The following RARB variants were observed in gnomAD, a reference collection of about 807,000 sequenced individuals.
The protein encoded by RARB is retinoic acid receptor beta.
A neutral mutation model predicts 51.9 loss-of-function variants in RARB; 17 were observed. The observed-to-expected ratio is 0.33, with a 90% CI of 0.22 to 0.49. The LOEUF (loss-of-function observed/expected upper bound fraction) is 0.49, where lower values mean the gene tolerates loss of function less well. Among genes scored for constraint, RARB ranks in the 20% least tolerant of loss-of-function variants. RARB has a pLI of 0.99. For synonymous variants in RARB, 215 were observed against 195.4 expected (o/e 1.10, Z -0.84); for missense variants, 369 against 550.8 (o/e 0.67, Z 3.30).
chr3:25,135,323 T>G (rs1203068662), intron 4 of RARB, among the ~76,000 whole-genome samples: 1 of 151,990 alleles, frequency 6.6e-6, no homozygotes, highest in Non-Finnish European at 1.5e-5. Context: ...GGCTAGTGAC[T>G]ACCATATCGG....
intron 3 of RARB, among the ~76,000 whole-genome samples, chr3:25,081,252 G>A (rs2125312926): frequency 6.6e-6 from 1 of 151,924 alleles, no homozygotes; most frequent in South Asian, 2.1e-4. Flanking sequence ...GTTTCTAATT[G>A]AATTCAGGTA....
At chr3:24,999,390 G>C (rs1697110333) in intron 2 of RARB, among the ~76,000 whole-genome samples, 1 of 152,070 alleles carries the variant, frequency 6.6e-6, no homozygotes, top group Non-Finnish European at 1.5e-5. Flanking sequence ...CTGAGTTTGG[G>C]GAGGATGCCT....
intron 5 of RARB, among the ~76,000 whole-genome samples, chr3:25,248,061 C>T (rs1427587847): frequency 1.3e-5 from 2 of 152,142 alleles, no homozygotes; most frequent in South Asian, 2.1e-4. Context: ...GCTCTGGTGT[C>T]GGATGAATAT....
chr3:25,092,004 T>A (rs1559463184), intron 3 of RARB, among the ~76,000 whole-genome samples: 1 of 152,120 alleles, frequency 6.6e-6, no homozygotes, highest in Non-Finnish European at 1.5e-5. Flanking sequence ...TGCAGCACAA[T>A]GTTCTTTTAT....
intron 2 of RARB, among the ~76,000 whole-genome samples, chr3:24,984,970 A>G (rs1696755807): frequency 1.3e-5 from 2 of 152,194 alleles, no homozygotes; most frequent in Admixed American, 6.5e-5. Context: ...CCTGAAGCTC[A>G]GTTTTTTCGA....
intron 5 of RARB, among the ~76,000 whole-genome samples, chr3:25,292,354 G>A (rs1030880518): frequency 1.3e-5 from 2 of 152,124 alleles, no homozygotes; most frequent in Admixed American, 6.6e-5. Flanking sequence ...AGAGTCTAAA[G>A]GCAAAGTGGG....
At chr3:24,923,409 A>G (rs1335046545) in intron 2 of RARB, among the ~76,000 whole-genome samples, 1 of 152,204 alleles carries the variant, frequency 6.6e-6, no homozygotes, top group Non-Finnish European at 1.5e-5. Flanking sequence ...GTAATGCGGT[A>G]TAATTAGTGA....
intron 5 of RARB, among the ~76,000 whole-genome samples, chr3:25,195,428 A>G (rs1701210173): frequency 6.6e-6 from 1 of 152,020 alleles, no homozygotes; most frequent in Non-Finnish European, 1.5e-5. Context: ...TGCTAAAGTA[A>G]TATTTCTTAA....
chr3:25,074,633 T>C (rs1025985930), intron 3 of RARB, among the ~76,000 whole-genome samples: 1 of 152,200 alleles, frequency 6.6e-6, no homozygotes, highest in East Asian at 1.9e-4. Context: ...TTCTCCTTTA[T>C]ACAAAAAAAT....
intron 2 of RARB, among the ~76,000 whole-genome samples, chr3:25,487,850 G>A (rs1696546699): frequency 1.3e-5 from 2 of 152,162 alleles, no homozygotes; most frequent in African/African-American, 4.8e-5. Context: ...TGTGCCTCTT[G>A]TAGCCATCTT....
chr3:25,146,613 T>G (rs1286245600), intron 4 of RARB, among the ~76,000 whole-genome samples: 2 of 151,462 alleles, frequency 1.3e-5, no homozygotes. Flanking sequence ...GTTCTCGCCA[T>G]TCTCCTGCCT....
chr3:25,523,309 G>T (rs548100445), intron 3 of RARB, among the ~76,000 whole-genome samples: 2 of 152,266 alleles, frequency 1.3e-5, no homozygotes, highest in South Asian at 4.1e-4. Flanking sequence ...CAAACACAGG[G>T]TGTGATCATT....
intron 5 of RARB, among the ~76,000 whole-genome samples, chr3:25,395,765 G>T (rs1384219114): frequency 6.6e-6 from 1 of 150,914 alleles, no homozygotes; most frequent in Non-Finnish European, 1.5e-5. Flanking sequence ...TCCATATCTT[G>T]TATTATTTTT....
chr3:24,862,269 A>C (rs1702762635), intron 2 of RARB, among the ~76,000 whole-genome samples: 1 of 152,192 alleles, frequency 6.6e-6, no homozygotes, highest in African/African-American at 2.4e-5. Context: ...CGAGTGTTGG[A>C]GTGCTATTAA....
At chr3:25,210,529 C>CTTTTTTATTTTTTTTTTTTTTTTTTTTTT (rs1701667208) in intron 5 of RARB, among the ~76,000 whole-genome samples, 1 of 27,618 alleles carries the variant, frequency 3.6e-5, no homozygotes. Context: ...TTATCTGATT[C>CTTTTTTATTTTTTTTTTTTTTTTTTTTTT]TTTTTTTTTT....
At chr3:25,539,707 G>A (rs1699297115) in intron 3 of RARB, among the ~76,000 whole-genome samples, 1 of 150,866 alleles carries the variant, frequency 6.6e-6, no homozygotes, top group Admixed American at 6.6e-5. Context: ...GAGGTGGTCT[G>A]TCCAGAGTAC....
At chr3:25,211,356 A>T (rs1043056962) in intron 5 of RARB, among the ~76,000 whole-genome samples, 2 of 152,220 alleles carry the variant, frequency 1.3e-5, no homozygotes, top group Non-Finnish European at 2.9e-5. Context: ...CATTTCTACA[A>T]AGACGCAGGA....
At chr3:25,471,635 GTTTA>G (rs1695701911) in intron 2 of RARB, among the ~76,000 whole-genome samples, 1 of 150,094 alleles carries the variant, frequency 6.7e-6, no homozygotes, top group African/African-American at 2.4e-5. Flanking sequence ...GGTAAAAATA[GTTTA>G]TTTAATTTGG....
chr3:24,861,594 T>TAAAA (rs3057186), intron 2 of RARB, among the ~76,000 whole-genome samples: 1 of 137,848 alleles, frequency 7.3e-6, no homozygotes, highest in Non-Finnish European at 1.6e-5. Flanking sequence ...TAACTTGTTA[T>TAAAA]AAAAAAAAAA....
Sources: allele counts gnomAD v4.1 joint callset (sites outside exome capture counted in the v4.1 genomes callset), GRCh38; gene constraint gnomAD v4.1.1; transcripts MANE v1.5; gene names NCBI Gene and HGNC (gene_info 2026-07-23, HGNC 2026-07-21).